The following KCNN2 variants were observed in gnomAD, a reference collection of about 807,000 sequenced individuals.
KCNN2 encodes the protein potassium calcium-activated channel subfamily N member 2, also known as small conductance calcium-activated potassium channel protein 2.
KCNN2 carries 24 observed loss-of-function variants against 55.5 expected under a neutral mutation model. The observed-to-expected ratio is 0.43, with a 90% CI of 0.31 to 0.61. The LOEUF (loss-of-function observed/expected upper bound fraction) is 0.61, where lower values mean the gene tolerates loss of function less well. KCNN2 is among the 20% of genes least tolerant of loss of function. The probability of loss-of-function intolerance (pLI) is 0.08; values close to 1 mark genes in which losing one functional copy is unlikely to be tolerated. For missense variants in KCNN2, 754 were observed against 853.6 expected (o/e 0.88, Z 1.45); for synonymous variants, 431 against 336.1 (o/e 1.28, Z -3.09).
At chr5:114,109,744 C>G (rs1251676856) in intron 1 of KCNN2, among the ~76,000 whole-genome samples, 1 of 152,050 alleles carries the variant, frequency 6.6e-6, no homozygotes. Flanking sequence ...AGAAACAGGG[C>G]ACAGGTATGC....
chr5:114,331,787 A>AAATATTC (rs1417467658), intron 2 of KCNN2, among the ~76,000 whole-genome samples: 1 of 152,202 alleles, frequency 6.6e-6, no homozygotes, highest in African/African-American at 2.4e-5. Flanking sequence ...TTTTCTTCAA[A>AAATATTC]AATATTCTTT....
Position 114,232,825 on chromosome 5 carries a change from G to A in KCNN2, c.-185+11260G>A, listed in dbSNP as rs540695307. ...TAAGATGTCAGCAGTAAAGAGGTCC[G>A]TGATTGATTAGTGGTGCTGATCATG... On this transcript the variant is annotated intron_variant, in intron 2 of 10. Coordinates refer to the KCNN2 transcript ENST00000512097. 3.3e-4 allele frequency among the ~76,000 whole-genome samples: 49 copies of A among 150,334 alleles called. 2 individuals carry two copies. Among genetic ancestry groups the A allele is most frequent in the African/African-American group, 1.2e-3 (49 of 40,056 alleles).
intron 2 of KCNN2, among the ~76,000 whole-genome samples, chr5:114,255,685 G>C (rs899377895): frequency 3.3e-5 from 5 of 152,134 alleles, no homozygotes; most frequent in African/African-American, 1.2e-4. Flanking sequence ...AGTTGTAGAA[G>C]GGTGAGGTTG....
rs200102000 is a variant in KCNN2, at chr5:114,442,247, C to CATATAT, written c.1638-20794_1638-20789dup. Among the ~76,000 whole-genome samples, 18 of 149,346 alleles carry CATATAT rather than the reference C, an allele frequency of 1.2e-4. No homozygotes were observed. The East Asian group carries it at 2.6e-3, about 21-fold the overall frequency. ...TACAGCAGAACGAATTATATATATACATATATATATATAATTTTCATATAT... is the reference window on the plus strand; with the variant it reads ...TACAGCAGAACGAATTATATATATACATATATATATATATATATAATTTTCATATAT... On this transcript the variant is annotated intron_variant, in intron 3 of 7. Transcript: ENST00000673685.
intron 1 of KCNN2, among the ~76,000 whole-genome samples, chr5:114,093,421 C>T (rs1238305683): frequency 2.0e-5 from 3 of 152,244 alleles, no homozygotes; most frequent in Non-Finnish European, 4.4e-5. Context: ...GTTCCAGCCT[C>T]TGCCTGTTAT....
chr5:114,133,285 C>T (rs1752107097), intron 1 of KCNN2, among the ~76,000 whole-genome samples: 1 of 151,910 alleles, frequency 6.6e-6, no homozygotes, highest in Admixed American at 6.6e-5. Flanking sequence ...TGATACAGTC[C>T]AAGGAATTTA....
At chr5:114,285,476 G>C (rs1440750801) in intron 2 of KCNN2, among the ~76,000 whole-genome samples, 1 of 152,000 alleles carries the variant, frequency 6.6e-6, no homozygotes, top group Non-Finnish European at 1.5e-5. Flanking sequence ...GCAGAAATGG[G>C]AAATAAGGAT....
At chr5:114,129,155 A>G in intron 1 of KCNN2, among the ~76,000 whole-genome samples, 1 of 152,134 alleles carries the variant, frequency 6.6e-6, no homozygotes, top group East Asian at 1.9e-4. Flanking sequence ...TGTTTGTGGG[A>G]TACAGAAAGG....
chr5:114,382,791 A>G (rs1395104888), intron 2 of KCNN2, among the ~76,000 whole-genome samples: 1 of 152,156 alleles, frequency 6.6e-6, no homozygotes, highest in Non-Finnish European at 1.5e-5. Context: ...CATATGCCCA[A>G]CCCTGGAAAC....
chr5:114,368,382 T>A (rs796526004), intron 2 of KCNN2, among the ~76,000 whole-genome samples: 74 of 152,302 alleles, frequency 4.9e-4, no homozygotes, highest in African/African-American at 1.6e-3. Flanking sequence ...TATAGCTCTA[T>A]AATCGGAAGA....
intron 2 of KCNN2, among the ~76,000 whole-genome samples, chr5:114,276,860 G>C (rs1755500722): frequency 6.6e-6 from 1 of 152,052 alleles, no homozygotes; most frequent in African/African-American, 2.4e-5. Context: ...TGTTATATGT[G>C]AATTTGATCC....
chr5:114,444,285 A>G (rs1242298217), intron 3 of KCNN2, among the ~76,000 whole-genome samples: 1 of 152,116 alleles, frequency 6.6e-6, no homozygotes, highest in Non-Finnish European at 1.5e-5. Flanking sequence ...ACCATACAGC[A>G]AGGGATACAT....
At chr5:114,425,847 T>C (rs1419385926) in intron 3 of KCNN2, among the ~76,000 whole-genome samples, 1 of 152,042 alleles carries the variant, frequency 6.6e-6, no homozygotes, top group East Asian at 1.9e-4. Flanking sequence ...CCTGTTCCCA[T>C]GGTCAGGTCC....
intron 2 of KCNN2, among the ~76,000 whole-genome samples, chr5:114,366,553 G>T (rs1757607761): frequency 6.6e-6 from 1 of 152,162 alleles, no homozygotes; most frequent in African/African-American, 2.4e-5. Flanking sequence ...TGAAGACCCT[G>T]AACTGGAAGT....
intron 2 of KCNN2, among the ~76,000 whole-genome samples, chr5:114,334,505 AC>A (rs1485522505): frequency 6.6e-6 from 1 of 152,158 alleles, no homozygotes; most frequent in African/African-American, 2.4e-5. Flanking sequence ...GCACATACAT[AC>A]ACACATGCAT....
intron 2 of KCNN2, among the ~76,000 whole-genome samples, chr5:114,229,505 A>C (rs554754926): frequency 6.6e-6 from 1 of 151,956 alleles, no homozygotes; most frequent in Non-Finnish European, 1.5e-5. Flanking sequence ...GAAAATTCTA[A>C]AAGTTTTTCC....
intron 3 of KCNN2, among the ~76,000 whole-genome samples, chr5:114,413,352 T>C (rs1759193583): frequency 6.6e-6 from 1 of 152,136 alleles, no homozygotes; most frequent in African/African-American, 2.4e-5. Flanking sequence ...TGGCACAATC[T>C]TGGCTCACTG....
chr5:114,265,690 A>C (rs778379220), intron 2 of KCNN2, among the ~76,000 whole-genome samples: 1 of 152,154 alleles, frequency 6.6e-6, no homozygotes, highest in South Asian at 2.1e-4. Context: ...TCAAATGCTA[A>C]TCTTATCCCA....
intron 3 of KCNN2, among the ~76,000 whole-genome samples, chr5:114,409,333 A>G (rs907512382): frequency 2.3e-5 from 2 of 86,430 alleles, no homozygotes; most frequent in Non-Finnish European, 5.8e-5. Flanking sequence ...ATACAAAGAT[A>G]AAAAAAAATT....
Sources: allele counts gnomAD v4.1 joint callset (sites outside exome capture counted in the v4.1 genomes callset), GRCh38; gene constraint gnomAD v4.1.1; transcripts MANE v1.5; gene names NCBI Gene and HGNC (gene_info 2026-07-23, HGNC 2026-07-21).